The following EMCN variants were observed in gnomAD, a reference collection of about 807,000 sequenced individuals.
EMCN encodes MUC-14.
Under a neutral mutation model 38.4 loss-of-function variants are expected in EMCN, and 37 were observed. That is an observed-to-expected ratio of 0.96 (90% CI 0.74 to 1.27). The LOEUF is 1.27. Among genes scored for constraint, EMCN ranks in the 50% most tolerant of loss-of-function variants. The probability of loss-of-function intolerance (pLI) is 0.00; values close to 1 mark genes in which losing one functional copy is unlikely to be tolerated. For synonymous variants in EMCN, 95 were observed against 100.8 expected (o/e 0.94, Z 0.35); for missense variants, 318 against 302.8 (o/e 1.05, Z -0.37).
chr4:100,444,132 T>A (rs374075213), intron 5 of EMCN, among the ~76,000 whole-genome samples: 15 of 152,260 alleles, frequency 9.9e-5, no homozygotes, highest in East Asian at 5.8e-4. Context: ...AGGCAGCATG[T>A]CAGACTGCAG....
intron 10 of EMCN, among the ~76,000 whole-genome samples, chr4:100,412,585 A>G (rs968507148): frequency 6.6e-6 from 1 of 152,164 alleles, no homozygotes; most frequent in Non-Finnish European, 1.5e-5. Context: ...TCACACATAC[A>G]TTTTTTAGTC....
intron 1 of EMCN, among the ~76,000 whole-genome samples, chr4:100,484,112 T>A (rs1047263714): frequency 6.6e-6 from 1 of 152,140 alleles, no homozygotes; most frequent in Non-Finnish European, 1.5e-5. Context: ...TGAAGCATTA[T>A]CTGAATATTA....
At chr4:100,438,168 A>C (rs1384373196) in intron 5 of EMCN, among the ~76,000 whole-genome samples, 1 of 152,078 alleles carries the variant, frequency 6.6e-6, no homozygotes, top group Non-Finnish European at 1.5e-5. Context: ...TTAACTTTAC[A>C]ATGGGGTTTA....
rs867061151 is a variant in EMCN, at chr4:100,400,568, C to T, written c.*40-2195G>A. ...AGAACTGCAACCATGACAAGCCCTC[C>T]TTATATCTGGGATAGTACTTGACAA... On this transcript the variant is annotated intron_variant, in intron 11 of 11. Transcript: ENST00000296420. Among the ~76,000 whole-genome samples the T allele has an allele frequency of 5.4e-4, 82 of 152,208 alleles. 5 individuals are homozygous for T. The highest frequency in any genetic ancestry group is 3.4e-3 in the Middle Eastern group (1 of 294).
intron 1 of EMCN, among the ~76,000 whole-genome samples, chr4:100,502,379 C>G (rs1206837265): frequency 6.6e-6 from 1 of 152,082 alleles, no homozygotes; most frequent in Non-Finnish European, 1.5e-5. Context: ...GCTTGCATAT[C>G]TATGCTTGTG....
chr4:100,517,664 A>C (rs1474837430), intron 1 of EMCN, among the ~76,000 whole-genome samples, 187 bp downstream of exon 1: 4 of 152,024 alleles, frequency 2.6e-5, no homozygotes, highest in Non-Finnish European at 5.9e-5. Context: ...ATTTCCCTTC[A>C]GTAGAAACAA....
chr4:100,476,752 G>A (rs1446570847), intron 2 of EMCN, among the ~76,000 whole-genome samples: 1 of 152,124 alleles, frequency 6.6e-6, no homozygotes, highest in Non-Finnish European at 1.5e-5. Context: ...ATTTTGTGAT[G>A]ATAAAGTAAA....
intron 3 of EMCN, among the ~76,000 whole-genome samples, chr4:100,467,770 CAT>C (rs1200778529): frequency 6.6e-6 from 1 of 151,054 alleles, no homozygotes; most frequent in Non-Finnish European, 1.5e-5. Context: ...ATAGTTAACA[CAT>C]AGTTTATTCC....
At chr4:100,400,318 G>C (rs1726220484) in intron 11 of EMCN, among the ~76,000 whole-genome samples, 1 of 150,660 alleles carries the variant, frequency 6.6e-6, no homozygotes, top group South Asian at 2.1e-4. Flanking sequence ...TATTCCCTGT[G>C]CCTGGAAAAT....
intron 1 of EMCN, among the ~76,000 whole-genome samples, chr4:100,490,174 T>TAA (rs35563606): frequency 2.7e-3 from 328 of 120,374 alleles, no homozygotes; most frequent in African/African-American, 7.0e-3. Flanking sequence ...CTTGAAAAAG[T>TAA]AAAAAAAAAA....
chr4:100,419,209 T>C (rs1378703361), intron 8 of EMCN, among the ~76,000 whole-genome samples: 2 of 152,138 alleles, frequency 1.3e-5, no homozygotes, highest in Non-Finnish European at 2.9e-5. Context: ...CTTGTCCAGA[T>C]AAGCTTCATT....
intron 8 of EMCN, among the ~76,000 whole-genome samples, chr4:100,418,820 T>C (rs1726809134): frequency 6.6e-6 from 1 of 152,156 alleles, no homozygotes; most frequent in African/African-American, 2.4e-5. Flanking sequence ...TTCCAAATCT[T>C]GGCTATTGTG....
intron 3 of EMCN, among the ~76,000 whole-genome samples, chr4:100,466,302 T>G (rs1170719031): frequency 6.6e-6 from 1 of 152,198 alleles, no homozygotes; most frequent in Non-Finnish European, 1.5e-5. Flanking sequence ...CTGGATGTGA[T>G]GCTAGCTGGA....
intron 9 of EMCN, among the ~76,000 whole-genome samples, chr4:100,416,566 A>G (rs1726741156): frequency 6.6e-6 from 1 of 152,202 alleles, no homozygotes; most frequent in Non-Finnish European, 1.5e-5. Flanking sequence ...TTACAACCTT[A>G]TGAAACATAA....
chr4:100,448,918 C>T (rs1414110395), intron 4 of EMCN, among the ~76,000 whole-genome samples: 1 of 151,862 alleles, frequency 6.6e-6, no homozygotes, highest in African/African-American at 2.4e-5. Flanking sequence ...GTCTCCCCAA[C>T]CACCTTCACC....
intron 1 of EMCN, among the ~76,000 whole-genome samples, chr4:100,490,848 G>C (rs1578229158): frequency 6.6e-6 from 1 of 151,726 alleles, no homozygotes; most frequent in Admixed American, 6.6e-5. Flanking sequence ...ATTTTTTATA[G>C]TAGCCATTCT....
chr4:100,467,489 T>C (rs908256966), intron 3 of EMCN, among the ~76,000 whole-genome samples: 1 of 151,510 alleles, frequency 6.6e-6, no homozygotes, highest in Non-Finnish European at 1.5e-5. Flanking sequence ...CCATCCTGGC[T>C]AACACGGTGA....
At chr4:100,499,318 A>G (rs1436111888) in intron 1 of EMCN, among the ~76,000 whole-genome samples, 1 of 152,226 alleles carries the variant, frequency 6.6e-6, no homozygotes, top group East Asian at 1.9e-4. Context: ...ATGTAAAAGT[A>G]TTTTGTAAAC....
At chr4:100,423,818 G>A (rs970044623) in intron 5 of EMCN, among the ~76,000 whole-genome samples, 41 of 151,928 alleles carry the variant, frequency 2.7e-4, no homozygotes, top group Admixed American at 9.9e-4. Context: ...TGCACAGGAC[G>A]TCAGATTTTA....
Sources: gnomAD v4.1 joint callset for allele counts (sites outside exome capture counted in the v4.1 genomes callset) on GRCh38, gnomAD v4.1.1 for gene constraint, MANE v1.5 for transcripts, NCBI Gene and HGNC (gene_info 2026-07-23, HGNC 2026-07-21) for gene names.